Variants in CNTNAP5 observed in about 807,000 individuals in gnomAD.
The protein encoded by CNTNAP5 is contactin associated protein family member 5, also known as contactin-associated protein-like 5.
Under a neutral mutation model 150.2 loss-of-function variants are expected in CNTNAP5, and 72 were observed. The observed-to-expected ratio is 0.48, with a 90% CI of 0.40 to 0.58. CNTNAP5 has a LOEUF of 0.58. Ranked by LOEUF, CNTNAP5 falls within the 20% of genes least tolerant of loss-of-function variation. CNTNAP5 has a pLI of 0.00. For missense variants in CNTNAP5, 1,636 were observed against 1,626.2 expected (o/e 1.01, Z -0.10); for synonymous variants, 672 against 619.8 (o/e 1.08, Z -1.25).
rs1440243165 is a variant in CNTNAP5, at chr2:124,869,729, G to T, written c.3403G>T (p.Val1135Phe). Residue 1135 changes from valine to phenylalanine, a missense_variant, in exon 21 of 24, where the codon GTT (valine) becomes TTT (phenylalanine). Coordinates refer to ENST00000682447, the MANE Select transcript of CNTNAP5 (RefSeq NM_001367498.1). ...CTTCTCTCCGGAAGTAGAGTTCAGG[G>T]TTATAAGGTCACTCACCTTGGGCAA... ...YNFSPEVEFR[V>F]IRSLTLGKVT... The T allele has an allele frequency of 1.2e-6, 2 of 1,611,690 alleles. No homozygotes were observed. Among genetic ancestry groups the T allele is most frequent in the Non-Finnish European group, 1.7e-6 (2 of 1,178,474 alleles).
At chr2:124,451,045 A>T (rs1325942565) in intron 6 of CNTNAP5, among the ~76,000 whole-genome samples, 1,441 of 75,220 alleles carry the variant, frequency 0.019, 69 homozygotes, top group African/African-American at 0.069. Context: ...AAAAAAAAAA[A>T]AAAAAAATAT....
chr2:124,368,459 C>T (rs1434311128), intron 3 of CNTNAP5, among the ~76,000 whole-genome samples: 1 of 151,990 alleles, frequency 6.6e-6, no homozygotes, highest in African/African-American at 2.4e-5. Flanking sequence ...CAAATATGAC[C>T]CAGGAAGTTC....
chr2:124,346,555 C>G (rs1689741069), intron 3 of CNTNAP5, among the ~76,000 whole-genome samples: 1 of 152,108 alleles, frequency 6.6e-6, no homozygotes, highest in Non-Finnish European at 1.5e-5. Flanking sequence ...TATATAAATT[C>G]TATTGATTGC....
At chr2:124,462,546 A>G (rs1262395331) in intron 6 of CNTNAP5, among the ~76,000 whole-genome samples, 1 of 152,238 alleles carries the variant, frequency 6.6e-6, no homozygotes, top group Non-Finnish European at 1.5e-5. Context: ...AAATGGTAAC[A>G]TATCTTGTTT....
rs568790571 is a variant in CNTNAP5, at chr2:124,387,573, G to A, written c.382-29870G>A. 2.0e-5 allele frequency among the ~76,000 whole-genome samples: 3 copies of A among 152,214 alleles called. No homozygotes were observed. The South Asian group carries it at 6.2e-4, about 32-fold the overall frequency. On this transcript the variant is annotated intron_variant, in intron 3 of 23. Coordinates refer to ENST00000682447, the MANE Select transcript of CNTNAP5 (RefSeq NM_001367498.1). ...GGATCTCACAAAGTACATTCTCAAGGGTGGGGAGAATTACAAAGAACCTTC... is the reference window on the plus strand; with the variant it reads ...GGATCTCACAAAGTACATTCTCAAGAGTGGGGAGAATTACAAAGAACCTTC...
intron 3 of CNTNAP5, among the ~76,000 whole-genome samples, chr2:124,328,505 C>T (rs963309430): frequency 6.6e-6 from 1 of 152,132 alleles, no homozygotes; most frequent in Non-Finnish European, 1.5e-5. Context: ...CTTCTCACAC[C>T]CCAGGAGATG....
chr2:124,836,099 G>A (rs1399713821), intron 19 of CNTNAP5, among the ~76,000 whole-genome samples: 1 of 152,120 alleles, frequency 6.6e-6, no homozygotes, highest in Non-Finnish European at 1.5e-5. Flanking sequence ...TTAAAAGGCA[G>A]AGAAGGTAGA....
chr2:124,244,602 C>T (rs1400497969), intron 3 of CNTNAP5, among the ~76,000 whole-genome samples: 6 of 152,052 alleles, frequency 3.9e-5, no homozygotes, highest in Admixed American at 3.3e-4. Context: ...GCTTCAGGAG[C>T]AGCCTTTTAC....
chr2:124,398,652 A>T (rs1007326015), intron 3 of CNTNAP5, among the ~76,000 whole-genome samples: 2 of 151,978 alleles, frequency 1.3e-5, no homozygotes, highest in Admixed American at 1.3e-4. Flanking sequence ...ATGTGCCACC[A>T]TGCCTGGCTA....
chr2:124,436,329 G>A (rs991422346), intron 5 of CNTNAP5, among the ~76,000 whole-genome samples: 2 of 152,136 alleles, frequency 1.3e-5, no homozygotes, highest in African/African-American at 4.8e-5. Context: ...GGTGTGAATG[G>A]TAGAAATAGC....
intron 21 of CNTNAP5, among the ~76,000 whole-genome samples, chr2:124,895,027 A>G (rs1678274039): frequency 6.6e-6 from 1 of 151,600 alleles, no homozygotes; most frequent in South Asian, 2.1e-4. Flanking sequence ...CATGTTATCA[A>G]GAAACCCAAT....
At chr2:124,792,531 G>A (rs1387598038) in intron 18 of CNTNAP5, among the ~76,000 whole-genome samples, 1 of 152,046 alleles carries the variant, frequency 6.6e-6, no homozygotes, top group African/African-American at 2.4e-5. Context: ...TTATCGAGAT[G>A]TAATTTATAT....
intron 3 of CNTNAP5, among the ~76,000 whole-genome samples, chr2:124,417,079 A>G (rs950744355): frequency 1.3e-5 from 2 of 151,518 alleles, no homozygotes; most frequent in Non-Finnish European, 2.9e-5. Context: ...CTGGGATTAC[A>G]GGCACACACC....
chr2:124,069,797 C>G (rs897672879), intron 1 of CNTNAP5, among the ~76,000 whole-genome samples: 4 of 152,174 alleles, frequency 2.6e-5, no homozygotes, highest in African/African-American at 7.2e-5. Flanking sequence ...AAAGGGAGTT[C>G]CTCAATCTGA....
chr2:124,179,868 A>G (rs1238297574), intron 1 of CNTNAP5, among the ~76,000 whole-genome samples: 1 of 152,194 alleles, frequency 6.6e-6, no homozygotes, highest in Admixed American at 6.5e-5. Flanking sequence ...GATGCTGCTC[A>G]TCTGCTTCTT....
chr2:124,840,457 C>G (rs1256346918), intron 19 of CNTNAP5, among the ~76,000 whole-genome samples: 2 of 152,022 alleles, frequency 1.3e-5, no homozygotes, highest in Admixed American at 1.3e-4. Context: ...GATGTGAGCT[C>G]CATGAAAGCA....
At chr2:124,308,820 C>T (rs970378421) in intron 3 of CNTNAP5, among the ~76,000 whole-genome samples, 1 of 152,192 alleles carries the variant, frequency 6.6e-6, no homozygotes, top group African/African-American at 2.4e-5. Flanking sequence ...AAAACAGAAG[C>T]TTTGGGAAGT....
chr2:124,456,493 C>T (rs886629892), intron 6 of CNTNAP5, among the ~76,000 whole-genome samples: 1 of 152,102 alleles, frequency 6.6e-6, no homozygotes, highest in Non-Finnish European at 1.5e-5. Flanking sequence ...ACCATAATTG[C>T]CAAAGTGACA....
intron 21 of CNTNAP5, among the ~76,000 whole-genome samples, chr2:124,897,690 A>G (rs1021298322): frequency 1.3e-5 from 2 of 151,418 alleles, no homozygotes; most frequent in Non-Finnish European, 2.9e-5. Context: ...GAAAAGTGTC[A>G]CGCATAGCAT....
Sources: gnomAD v4.1 joint callset for allele counts (sites outside exome capture counted in the v4.1 genomes callset) on GRCh38, gnomAD v4.1.1 for gene constraint, MANE v1.5 for transcripts, NCBI Gene and HGNC (gene_info 2026-07-23, HGNC 2026-07-21) for gene names.